The following LRRIQ1 variants were observed in gnomAD, a reference collection of about 807,000 sequenced individuals.
LRRIQ1 encodes leucine-rich repeat- and IQ domain-containing protein 1.
A neutral mutation model predicts 211.9 loss-of-function variants in LRRIQ1; 210 were observed. That is an observed-to-expected ratio of 0.99 (90% CI 0.89 to 1.11). The LOEUF (loss-of-function observed/expected upper bound fraction) is 1.11. LRRIQ1 is among the 50% of genes most tolerant of loss of function. The probability of loss-of-function intolerance (pLI) is 0.00; values close to 1 mark genes in which losing one functional copy is unlikely to be tolerated. For synonymous variants in LRRIQ1, 699 were observed against 650.1 expected, an observed-to-expected ratio of 1.08 and a Z score of -1.14; for missense variants, 2,136 against 1,939.5, an observed-to-expected ratio of 1.10 and a Z score of -1.90.
intron 25 of LRRIQ1, among the ~76,000 whole-genome samples, chr12:85,230,432 T>A (rs73365732): frequency 6.6e-6 from 1 of 152,186 alleles, no homozygotes; most frequent in African/African-American, 2.4e-5. Flanking sequence ...CTGTGTTGTC[T>A]TTGTTCTAAT....
chr12:85,201,769 T>G (rs1893312377), intron 24 of LRRIQ1, among the ~76,000 whole-genome samples: 1 of 152,166 alleles, frequency 6.6e-6, no homozygotes, highest in South Asian at 2.1e-4. Context: ...TATGTTTTTT[T>G]GTTTGTTAAT....
intron 8 of LRRIQ1, among the ~76,000 whole-genome samples, chr12:85,060,957 T>C (rs1328320611): frequency 6.6e-6 from 1 of 151,868 alleles, no homozygotes; most frequent in East Asian, 1.9e-4. Flanking sequence ...TGGAATCTGT[T>C]ATTAAAATAT....
Position 85,263,144 on chromosome 12 carries a change from G to A in LRRIQ1, c.*84G>A, listed in dbSNP as rs1045455066. 1.1e-5 allele frequency: 9 copies of A among 786,170 alleles called. No individual in the cohort carries two copies. In the Admixed American group the frequency reaches 4.4e-4, roughly 38 times the overall value. 48.7% of individuals were successfully genotyped at this position (786,170 alleles called of 1,614,324 possible). The stretch of plus-strand genomic sequence containing the variant: ...TAGTCATGTTACCAACTGGATACAA[G>A]GTTTTAGACTCCTATATTTAATTTG... On this transcript the variant is annotated 3_prime_UTR_variant, in exon 2 of 2. Coordinates refer to the LRRIQ1 transcript ENST00000602731.
exon 2 of LRRIQ1, chr12:85,264,143 G>A (rs577618792): frequency 6.6e-6 from 1 of 151,854 alleles, no homozygotes; most frequent in Non-Finnish European, 1.5e-5. Flanking sequence ...GTATTAATTT[G>A]TATCCCCCAT....
chr12:85,220,458 G>A (rs1894344919), intron 24 of LRRIQ1, among the ~76,000 whole-genome samples: 1 of 151,588 alleles, frequency 6.6e-6, no homozygotes, highest in Non-Finnish European at 1.5e-5. Context: ...TGCTTTTCAT[G>A]AAAAAAAGAA....
intron 8 of LRRIQ1, among the ~76,000 whole-genome samples, chr12:85,063,185 A>C (rs1367618975): frequency 2.0e-5 from 3 of 150,876 alleles, no homozygotes; most frequent in Non-Finnish European, 3.0e-5. Context: ...CTAGCCGTGC[A>C]GAAGCTCTCT....
chr12:85,156,968 CCTT>C (rs1359108804), intron 23 of LRRIQ1, among the ~76,000 whole-genome samples: 1 of 151,804 alleles, frequency 6.6e-6, no homozygotes, highest in African/African-American at 2.4e-5. Flanking sequence ...CCACAGAAAA[CCTT>C]AGAGCGCTCA....
the LRRIQ1 span, among the ~76,000 whole-genome samples, chr12:85,271,239 T>A: frequency 2.6e-4 from 40 of 152,180 alleles, no homozygotes; most frequent in Non-Finnish European, 5.6e-4. Flanking sequence ...ATGACAGGTT[T>A]AACCCTGTAA....
intron 1 of LRRIQ1, among the ~76,000 whole-genome samples, chr12:85,255,805 G>A (rs1304621017): frequency 6.6e-6 from 1 of 151,296 alleles, no homozygotes; most frequent in Non-Finnish European, 1.5e-5. Context: ...TCCTGAACCC[G>A]GACAATTAAT....
At chr12:85,209,219 T>C (rs181194218) in intron 24 of LRRIQ1, among the ~76,000 whole-genome samples, 48 of 152,308 alleles carry the variant, frequency 3.2e-4, no homozygotes, top group African/African-American at 1.1e-3. Context: ...GGAAAGAGGT[T>C]TAATTCACTG....
chr12:85,116,668 G>T (rs1887604804), intron 15 of LRRIQ1, among the ~76,000 whole-genome samples: 1 of 152,114 alleles, frequency 6.6e-6, no homozygotes, highest in African/African-American at 2.4e-5. Flanking sequence ...ATGAAGCCCA[G>T]TACCCAATAG....
Position 85,153,995 on chromosome 12 carries a change from A to G in LRRIQ1, c.4638-17A>G, listed in dbSNP as rs746176155. Reference sequence around the variant, plus strand: ...CGGGTATTTGTTTTACCTTTATTATATTTAATCTTTTAATAGGGGCTTTAA... The same window carrying G: ...CGGGTATTTGTTTTACCTTTATTATGTTTAATCTTTTAATAGGGGCTTTAA... On this transcript the variant is annotated splice_polypyrimidine_tract_variant and intron_variant, in intron 22 of 26. Transcript: ENST00000393217. 13 of 1,496,066 alleles carry G rather than the reference A, an allele frequency of 8.7e-6. No individual in the cohort carries two copies. The East Asian group carries it at 2.9e-4, about 33-fold the overall frequency. The allele number at this position is 1,496,066 out of a possible 1,614,324, so 92.7% of individuals were successfully genotyped here.
chr12:85,177,590 G>T (rs1276525742), intron 24 of LRRIQ1, among the ~76,000 whole-genome samples: 1 of 152,110 alleles, frequency 6.6e-6, no homozygotes, highest in Non-Finnish European at 1.5e-5. Flanking sequence ...AAGAAGGTTG[G>T]TATGGCTAGA....
intron 18 of LRRIQ1, among the ~76,000 whole-genome samples, chr12:85,134,020 C>T (rs1447907027): frequency 1.3e-5 from 2 of 152,100 alleles, no homozygotes; most frequent in Non-Finnish European, 2.9e-5. Flanking sequence ...GGACCACAGT[C>T]TCAAGACTAT....
intron 14 of LRRIQ1, 82 bp from the exon 15 acceptor site, chr12:85,106,440 C>T: frequency 4.3e-6 from 4 of 934,076 alleles, no homozygotes; most frequent in Non-Finnish European, 6.7e-6. Flanking sequence ...AATAGCAAAC[C>T]AGTAAATACA....
intron 24 of LRRIQ1, among the ~76,000 whole-genome samples, chr12:85,184,543 G>A (rs1892140481): frequency 6.6e-6 from 1 of 151,876 alleles, no homozygotes; most frequent in South Asian, 2.1e-4. Flanking sequence ...TTATTAAAGA[G>A]CAGTAACTAC....
At chr12:85,225,651 A>G (rs773637420) in intron 24 of LRRIQ1, among the ~76,000 whole-genome samples, 3 of 152,176 alleles carry the variant, frequency 2.0e-5, no homozygotes, top group Non-Finnish European at 4.4e-5. Context: ...TAGGGAATTG[A>G]TGATGCAAGA....
intron 19 of LRRIQ1, among the ~76,000 whole-genome samples, chr12:85,147,891 T>C (rs1263546357): frequency 6.6e-6 from 1 of 151,706 alleles, no homozygotes; most frequent in Non-Finnish European, 1.5e-5. Context: ...GTGCCAGTCA[T>C]TTAGTTTCTA....
Position 85,263,801 on chromosome 12 carries a change from A to G in LRRIQ1, c.*741A>G, listed in dbSNP as rs529237876. Reference sequence around the variant, plus strand: ...TACCTTAAAATTGTCATTTAAAAGTACTTTTTCAAAGTTCAACTTACCATT... The same window carrying G: ...TACCTTAAAATTGTCATTTAAAAGTGCTTTTTCAAAGTTCAACTTACCATT... On this transcript the variant is annotated 3_prime_UTR_variant, in exon 2 of 2. Coordinates refer to the LRRIQ1 transcript ENST00000602731. The G allele has an allele frequency of 5.3e-5, 8 of 152,128 alleles. No individual in the cohort carries two copies. The East Asian group carries it at 9.7e-4, about 18-fold the overall frequency. The allele number at this position is 152,128 out of a possible 1,614,324, so 9.4% of individuals were successfully genotyped here. A position where few individuals can be genotyped will look rare whatever the true frequency, so the allele number is the denominator to read the frequency against.
Sources: gnomAD v4.1 joint callset for allele counts (sites outside exome capture counted in the v4.1 genomes callset) on GRCh38, gnomAD v4.1.1 for gene constraint, MANE v1.5 for transcripts, NCBI Gene and HGNC (gene_info 2026-07-23, HGNC 2026-07-21) for gene names.